SHLD1: variants seen among roughly 807,000 people sequenced by gnomAD.
SHLD1 encodes the protein RINN1-REV7-interacting novel NHEJ regulator 3.
SHLD1 carries 3 observed loss-of-function variants against 5.5 expected under a neutral mutation model. The ratio of observed to expected loss-of-function variants is 0.54; its 90% CI spans 0.25 to 1.40. The LOEUF is 1.40. Among genes scored for constraint, SHLD1 ranks in the 40% most tolerant of loss-of-function variants. SHLD1 has a pLI of 0.15. For missense variants in SHLD1, 210 were observed against 244.4 expected (o/e 0.86, Z 0.94); for synonymous variants, 92 against 94.3 (o/e 0.98, Z 0.14).
intron 2 of SHLD1, among the ~76,000 whole-genome samples, chr20:5,814,652 T>C (rs2087503665): frequency 6.8e-6 from 1 of 147,750 alleles, no homozygotes; most frequent in Non-Finnish European, 1.5e-5. Context: ...CTTTTTCTTC[T>C]TCTTTTTTTT....
At position 5,819,665 on chromosome 20, in the gene SHLD1, T is replaced by TA. The variant is rs530735205; in HGVS notation, c.179-43352dup. On this transcript the variant is annotated intron_variant, in intron 2 of 2. Coordinates refer to ENST00000303142, the MANE Select transcript of SHLD1 (RefSeq NM_152504.4). ...AGCAAGACCCTGTTTCTACAAAAAA[T>TA]AAAAAAATTAGCCAGGCATGGTGGA... 5.9e-5 allele frequency among the ~76,000 whole-genome samples: 9 copies of TA among 152,016 alleles called. 1 individual carries two copies. In the South Asian group the frequency reaches 1.0e-3, roughly 18 times the overall value.
intron 2 of SHLD1, among the ~76,000 whole-genome samples, chr20:5,786,462 G>A (rs1294906869): frequency 1.3e-5 from 2 of 152,126 alleles, no homozygotes; most frequent in African/African-American, 4.8e-5. Flanking sequence ...ACAGTCCCAG[G>A]TACTTAGGAG....
chr20:5,806,588 A>T lies in SHLD1; in HGVS notation c.178+33545A>T, dbSNP rs1337996696. 6.6e-6 allele frequency among the ~76,000 whole-genome samples: 1 copy of T among 152,220 alleles called. No individual in the cohort carries two copies. The highest frequency in any genetic ancestry group is 1.5e-5 in the Non-Finnish European group (1 of 68,040). Reference sequence around the variant, plus strand: ...AAATAAACAAAACAATAGAATTTTGATAGAAGTGGAACAGAGGCCTGCAGT... The same window carrying T: ...AAATAAACAAAACAATAGAATTTTGTTAGAAGTGGAACAGAGGCCTGCAGT... On this transcript the variant is annotated intron_variant, in intron 2 of 2. Coordinates refer to ENST00000303142, the MANE Select transcript of SHLD1 (RefSeq NM_152504.4). This position sits in a 1 kb window ranked among gnomAD's most constrained non-coding sequence, Gnocchi z 7.6.
intron 2 of SHLD1, among the ~76,000 whole-genome samples, chr20:5,784,480 C>G (rs538019270): frequency 6.6e-6 from 1 of 151,726 alleles, no homozygotes; most frequent in Non-Finnish European, 1.5e-5. Flanking sequence ...GAGTTGGAGT[C>G]TCCTCTGCTG....
intron 1 of SHLD1, among the ~76,000 whole-genome samples, chr20:5,758,401 G>A (rs1216716232): frequency 6.8e-6 from 1 of 146,736 alleles, no homozygotes; most frequent in East Asian, 2.0e-4. Context: ...AGTGAGCTTT[G>A]GGCCAAGTAT....
intron 2 of SHLD1, among the ~76,000 whole-genome samples, chr20:5,792,115 G>A (rs767659386): frequency 9.2e-5 from 14 of 152,108 alleles, no homozygotes; most frequent in Non-Finnish European, 2.1e-4. Flanking sequence ...CTTCTTATCA[G>A]ATATGTGATT....
At chr20:5,833,007 G>C (rs937922547) in intron 2 of SHLD1, among the ~76,000 whole-genome samples, 1 of 152,048 alleles carries the variant, frequency 6.6e-6, no homozygotes, top group Admixed American at 6.6e-5. Context: ...GAACCATGCG[G>C]TGACTGGCCA....
intron 1 of SHLD1, among the ~76,000 whole-genome samples, chr20:5,772,649 C>T (rs1258237130): frequency 1.3e-5 from 2 of 152,114 alleles, no homozygotes; most frequent in African/African-American, 4.8e-5. Flanking sequence ...TGGTGGCTCA[C>T]ACCTATAATC....
At chr20:5,776,446 CA>C (rs1600110170) in intron 2 of SHLD1, among the ~76,000 whole-genome samples, 1 of 152,120 alleles carries the variant, frequency 6.6e-6, no homozygotes, top group East Asian at 1.9e-4. Flanking sequence ...CTAATGCCAT[CA>C]TGAGGCTTCC....
chr20:5,771,427 C>G (rs1985145763), intron 1 of SHLD1, among the ~76,000 whole-genome samples: 1 of 152,106 alleles, frequency 6.6e-6, no homozygotes, highest in South Asian at 2.1e-4. Flanking sequence ...TGTAACTGTC[C>G]CTTACTTGCA....
chr20:5,785,307 C>T (rs1032914967), intron 2 of SHLD1, among the ~76,000 whole-genome samples: 3 of 152,112 alleles, frequency 2.0e-5, no homozygotes, highest in African/African-American at 7.2e-5. Flanking sequence ...ATTCTCACAG[C>T]CACACCCAAG....
intron 2 of SHLD1, among the ~76,000 whole-genome samples, chr20:5,795,661 TAGAA>T (rs1454912367): frequency 4.9e-4 from 65 of 131,712 alleles, no homozygotes; most frequent in Non-Finnish European, 5.7e-4. Flanking sequence ...ACAGAACAAA[TAGAA>T]ATGAACAAAC....
chr20:5,759,121 A>C (rs1984311915), intron 1 of SHLD1, among the ~76,000 whole-genome samples: 1 of 150,960 alleles, frequency 6.6e-6, no homozygotes, highest in African/African-American at 2.4e-5. Context: ...CGCCCAGCTA[A>C]TTTTTTGTAT....
intron 1 of SHLD1, among the ~76,000 whole-genome samples, chr20:5,754,285 AT>A (rs1983934528): frequency 6.6e-6 from 1 of 151,874 alleles, no homozygotes; most frequent in Non-Finnish European, 1.5e-5. Flanking sequence ...TAGTTTTTGT[AT>A]TTTTTGTAGA....
At chr20:5,773,189 C>A in intron 2 of SHLD1, 146 bp downstream of exon 2, 1 of 909,776 alleles carries the variant, frequency 1.1e-6, no homozygotes, top group Non-Finnish European at 1.8e-6. Context: ...CTAAGCAAAG[C>A]TTTCAGGAGG....
At chr20:5,847,960 T>C (rs552391157) in intron 2 of SHLD1, among the ~76,000 whole-genome samples, 4 of 152,292 alleles carry the variant, frequency 2.6e-5, no homozygotes, top group Admixed American at 1.3e-4. Flanking sequence ...GAGGCCTTAT[T>C]TGTGATAGTG....
At chr20:5,808,675 G>A (rs2087417020) in intron 2 of SHLD1, among the ~76,000 whole-genome samples, 1 of 152,070 alleles carries the variant, frequency 6.6e-6, no homozygotes, top group Non-Finnish European at 1.5e-5. Context: ...AATCTTGCAG[G>A]GAATCTCCTC....
At chr20:5,795,510 A>T (rs2087198725) in intron 2 of SHLD1, among the ~76,000 whole-genome samples, 1 of 148,558 alleles carries the variant, frequency 6.7e-6, no homozygotes, top group Non-Finnish European at 1.5e-5. Flanking sequence ...GAGGCAGGAG[A>T]ATTGCTTGAA....
chr20:5,862,993 T>C (rs1351804178), intron 2 of SHLD1, 31 bp from the exon 3 acceptor site: 4 of 1,528,224 alleles, frequency 2.6e-6, no homozygotes, highest in Non-Finnish European at 3.5e-6. Context: ...TGATTGTGTG[T>C]TTGAGTATTG....
Sources: allele counts gnomAD v4.1 joint callset (sites outside exome capture counted in the v4.1 genomes callset), GRCh38; gene constraint gnomAD v4.1.1; non-coding constraint Gnocchi (gnomAD v3.1); transcripts MANE v1.5; gene names NCBI Gene and HGNC (gene_info 2026-07-23, HGNC 2026-07-21).